Variants in CDH22 observed in about 807,000 individuals in gnomAD.
CDH22 encodes cadherin 22.
CDH22 carries 30 observed loss-of-function variants against 58.4 expected under a neutral mutation model. The ratio of observed to expected loss-of-function variants is 0.51; its 90% CI spans 0.38 to 0.70. The LOEUF (loss-of-function observed/expected upper bound fraction) is 0.70, where lower values mean the gene tolerates loss of function less well. CDH22 is among the 30% of genes least tolerant of loss of function. The pLI is 0.00. For synonymous variants in CDH22, 513 were observed against 558.2 expected, an observed-to-expected ratio of 0.92 and a Z score of 1.14; for missense variants, 1,014 against 1,233.9, an observed-to-expected ratio of 0.82 and a Z score of 2.67.
At chr20:46,289,012 T>A (rs2145774821) in intron 1 of CDH22, among the ~76,000 whole-genome samples, 1 of 152,368 alleles carries the variant, frequency 6.6e-6, no homozygotes, top group East Asian at 1.9e-4. Context: ...AAATGGCTCA[T>A]AAGATCCAAC....
intron 7 of CDH22, among the ~76,000 whole-genome samples, chr20:46,206,704 A>G (rs2086004089): frequency 6.6e-6 from 1 of 152,064 alleles, no homozygotes; most frequent in Non-Finnish European, 1.5e-5. Context: ...TCCTTATCCT[A>G]TCACTCTATT....
intron 4 of CDH22, among the ~76,000 whole-genome samples, chr20:46,222,470 T>C (rs756244588): frequency 3.3e-5 from 5 of 152,210 alleles, no homozygotes; most frequent in Non-Finnish European, 7.4e-5. Context: ...CAACAAATGT[T>C]AGTTTCATTC....
chr20:46,173,843 G>A lies in CDH22; in HGVS notation c.*663C>T, dbSNP rs2085713538. The A allele has an allele frequency of 6.6e-6, 1 of 152,386 alleles. No homozygotes were observed. 9.4% of individuals were successfully genotyped at this position (152,386 alleles called of 1,614,324 possible). A position where few individuals can be genotyped will look rare whatever the true frequency, so the allele number is the denominator to read the frequency against. On this transcript the variant is annotated 3_prime_UTR_variant, in exon 12 of 12. Transcript: ENST00000537909. The stretch of plus-strand genomic sequence containing the variant: ...TTTAGCCTCACAACTCTTCGAGGTA[G>A]GTTCTGTTATTAACCCCATTTGACA...
intron 7 of CDH22, among the ~76,000 whole-genome samples, chr20:46,200,098 C>G (rs539284899): frequency 1.8e-4 from 27 of 152,212 alleles, no homozygotes; most frequent in Admixed American, 8.5e-4. Context: ...CTCAGTCTCC[C>G]GAGTAGCTGG....
chr20:46,247,458 G>T (rs565845162), intron 2 of CDH22, among the ~76,000 whole-genome samples: 1 of 152,086 alleles, frequency 6.6e-6, no homozygotes, highest in African/African-American at 2.4e-5. Context: ...GTGTACAGAC[G>T]TTTTTCTTGT....
chr20:46,224,467 C>A (rs1181177176), intron 4 of CDH22, among the ~76,000 whole-genome samples: 1 of 152,128 alleles, frequency 6.6e-6, no homozygotes, highest in Non-Finnish European at 1.5e-5. Context: ...CTTTAAGAGA[C>A]CCAACCATTC....
At chr20:46,262,467 A>T (rs1306634711) in intron 1 of CDH22, among the ~76,000 whole-genome samples, 1 of 152,282 alleles carries the variant, frequency 6.6e-6, no homozygotes, top group Non-Finnish European at 1.5e-5. Flanking sequence ...AGCCTGGCTC[A>T]GTCTGGATGG....
intron 1 of CDH22, among the ~76,000 whole-genome samples, chr20:46,287,021 C>T (rs1015766664): frequency 6.6e-6 from 1 of 152,106 alleles, no homozygotes; most frequent in Non-Finnish European, 1.5e-5. Context: ...ATTTACTAAG[C>T]CCTCTGAGGG....
rs1209807044 is a variant in CDH22, at chr20:46,226,254, T to TTCTTCTTCC, written c.670+1253_670+1254insGGAAGAAGA. Among the ~76,000 whole-genome samples the TTCTTCTTCC allele has an allele frequency of 6.1e-3, 64 of 10,420 alleles. 1 individual carries two copies. The highest frequency in any genetic ancestry group is 0.038 in the South Asian group (18 of 470). The allele number at this position is 10,420 out of a possible 152,430, so 6.8% of individuals were successfully genotyped here. The stretch of plus-strand genomic sequence containing the variant: ...CACCTTCTTCTTCTTCTTCTTCTTC[T>TTCTTCTTCC]TCTTCTTCTTCTTCTTCTTCTTCTT... On this transcript the variant is annotated intron_variant, in intron 4 of 11. Transcript: ENST00000537909.
At chr20:46,181,748 C>CTTCCTTCGTTCG (rs1555800211) in intron 10 of CDH22, among the ~76,000 whole-genome samples, 6 of 26,316 alleles carry the variant, frequency 2.3e-4, no homozygotes, top group South Asian at 1.9e-3. Context: ...TCCTTCCTTC[C>CTTCCTTCGTTCG]TTCCTTCTTT....
chr20:46,292,641 C>T (rs1473308259), intron 1 of CDH22, among the ~76,000 whole-genome samples: 2 of 152,130 alleles, frequency 1.3e-5, no homozygotes, highest in Admixed American at 1.3e-4. Context: ...CTCCAGAACC[C>T]ACTCTCCTCA....
intron 1 of CDH22, among the ~76,000 whole-genome samples, chr20:46,263,834 G>A (rs1388883522): frequency 6.6e-6 from 1 of 152,164 alleles, no homozygotes; most frequent in African/African-American, 2.4e-5. Flanking sequence ...TGTGTTCAAG[G>A]TTGTGTCTTA....
In CDH22 at chr20:46,273,299, A is replaced by T. The variant is rs559919396; in HGVS notation, c.-399-21606T>A. Among the ~76,000 whole-genome samples the T allele has an allele frequency of 2.6e-5, 4 of 152,326 alleles. 1 individual carries two copies. The South Asian group carries it at 6.2e-4, about 24-fold the overall frequency. ...TCTGTTTTTCCTTCAGTTTTGACCT[A>T]ATAATTCCTGGTAATTCCTTACAAA... On this transcript the variant is annotated intron_variant, in intron 1 of 11. Coordinates refer to ENST00000537909, the MANE Select transcript of CDH22 (RefSeq NM_021248.3).
Position 46,195,614 on chromosome 20 carries a change from A to ACC in CDH22, c.1423+3807_1423+3808dup, listed in dbSNP as rs113226361. 5.9e-4 allele frequency among the ~76,000 whole-genome samples: 62 copies of ACC among 105,834 alleles called. 1 individual carries two copies. The highest frequency in any genetic ancestry group is 1.9e-3 in the East Asian group (6 of 3,086). The allele number at this position is 105,834 out of a possible 152,430, so 69.4% of individuals were successfully genotyped here. ...TGTTGGTTTTCCAAGTCTCCCCTAG[A>ACC]CCCCCCCCCCACCCAGTCTCTTTGA... On this transcript the variant is annotated intron_variant, in intron 8 of 11. Coordinates refer to ENST00000537909, the MANE Select transcript of CDH22 (RefSeq NM_021248.3).
intron 1 of CDH22, among the ~76,000 whole-genome samples, chr20:46,274,243 G>T (rs2086506398): frequency 6.6e-6 from 1 of 152,090 alleles, no homozygotes; most frequent in Non-Finnish European, 1.5e-5. Context: ...TGGAGGGAGG[G>T]GTAGGGATAT....
intron 1 of CDH22, among the ~76,000 whole-genome samples, chr20:46,256,873 G>T (rs1005146223): frequency 6.6e-6 from 1 of 152,062 alleles, no homozygotes; most frequent in Admixed American, 6.6e-5. Context: ...AGGAATGGTG[G>T]CATGTGCCTG....
intron 8 of CDH22, among the ~76,000 whole-genome samples, chr20:46,187,578 C>A (rs2085835606): frequency 6.6e-6 from 1 of 152,018 alleles, no homozygotes. Context: ...CCCTCACCAC[C>A]ACCACCAACC....
intron 5 of CDH22, among the ~76,000 whole-genome samples, chr20:46,215,991 C>T (rs532390308): frequency 6.6e-6 from 1 of 152,052 alleles, no homozygotes; most frequent in Admixed American, 6.6e-5. Context: ...CACAATGATG[C>T]TGCGCTCTCA....
chr20:46,251,232 CAG>C lies in CDH22; in HGVS notation c.61_62del (p.Leu21AlafsTer73). 6.8e-7 allele frequency: 1 copy of C among 1,466,880 alleles called. No individual in the cohort carries two copies. 90.9% of individuals were successfully genotyped at this position (1,466,880 alleles called of 1,614,324 possible). On this transcript the variant is annotated frameshift_variant, in exon 2 of 12. Coordinates refer to ENST00000537909, the MANE Select transcript of CDH22 (RefSeq NM_021248.3). LOFTEE classifies it high-confidence loss of function. This position sits in a 1 kb window ranked among gnomAD's most constrained non-coding sequence, Gnocchi z 6.7. ...GCGGCGGCGGCAGCAGCAGCAGCAG[CAG>C]TAGCGCGGGGGACAGCGCGACTCCC... The part of the protein sequence containing the change: ...RAGVALSPAL[L>X]LLLLLPPPPT...
Sources: gnomAD v4.1 joint callset for allele counts (sites outside exome capture counted in the v4.1 genomes callset) on GRCh38, gnomAD v4.1.1 for gene constraint, Gnocchi (gnomAD v3.1) non-coding constraint, MANE v1.5 for transcripts, NCBI Gene and HGNC (gene_info 2026-07-23, HGNC 2026-07-21) for gene names.